Variants in PDE4A observed in about 807,000 individuals in gnomAD.
PDE4A encodes phosphodiesterase 4A.
PDE4A carries 21 observed loss-of-function variants against 73.9 expected under a neutral mutation model. That is an observed-to-expected ratio of 0.28 (90% CI 0.20 to 0.41). PDE4A has a LOEUF of 0.41. Among genes scored for constraint, PDE4A ranks in the 10% least tolerant of loss-of-function variants. The pLI, the probability that PDE4A is intolerant of heterozygous loss-of-function variation, is 1.00. For missense variants in PDE4A, 958 were observed against 1,211.4 expected (o/e 0.79, Z 3.10); for synonymous variants, 463 against 505.4 (o/e 0.92, Z 1.13).
chr19:10,457,653 G>C (rs953168688), intron 7 of PDE4A: 10 of 291,830 alleles, frequency 3.4e-5, no homozygotes, highest in African/African-American at 9.2e-5. Flanking sequence ...TGATCAGACC[G>C]GGGCCATCCC....
At chr19:10,440,525 G>T (rs1270477061) in intron 1 of PDE4A, among the ~76,000 whole-genome samples, 5 of 152,142 alleles carry the variant, frequency 3.3e-5, no homozygotes, top group African/African-American at 1.2e-4. Context: ...CCGGGTTTAA[G>T]TGATTCTCCC....
chr19:10,441,982 C>G (rs899091589), intron 1 of PDE4A, among the ~76,000 whole-genome samples: 1 of 152,004 alleles, frequency 6.6e-6, no homozygotes, highest in Non-Finnish European at 1.5e-5. Flanking sequence ...TGAGCCACCA[C>G]GCCCTGCCTT....
chr19:10,435,987 T>C (rs1006938488), intron 1 of PDE4A, among the ~76,000 whole-genome samples: 3 of 152,210 alleles, frequency 2.0e-5, no homozygotes, highest in African/African-American at 4.8e-5. Flanking sequence ...GAGTGTCCTC[T>C]TCCCATCCAG....
intron 1 of PDE4A, among the ~76,000 whole-genome samples, chr19:10,439,172 G>GT (rs1297742906): frequency 1.3e-5 from 2 of 151,828 alleles, no homozygotes; most frequent in East Asian, 3.9e-4. Context: ...TGTTTTGAGG[G>GT]TTTTTTGTTT....
chr19:10,418,864 G>A (rs182189067), upstream of PDE4A: 93 of 984,296 alleles, frequency 9.4e-5, no homozygotes, highest in East Asian at 9.6e-3. Context: ...CACAGCCCCT[G>A]CAAATTCCCT....
intron 7 of PDE4A, among the ~76,000 whole-genome samples, chr19:10,457,449 G>A (rs117427227): frequency 0.026 from 3,457 of 134,822 alleles, 136 homozygotes; most frequent in Non-Finnish European, 0.037. Context: ...GGGGGGGGCA[G>A]GGACATGGAG....
intron 1 of PDE4A, chr19:10,427,936 A>G (rs1029286295): frequency 3.2e-5 from 24 of 754,910 alleles, no homozygotes; most frequent in Admixed American, 1.3e-4. Context: ...TGGAGGTTGC[A>G]GTGAGCCAAT....
intron 1 of PDE4A, among the ~76,000 whole-genome samples, chr19:10,437,412 G>T (rs557076442): frequency 2.6e-5 from 4 of 151,650 alleles, no homozygotes; most frequent in African/African-American, 7.3e-5. Flanking sequence ...GTAAGCCACC[G>T]TGCCCGGCCT....
intron 1 of PDE4A, chr19:10,431,064 C>T (rs373623675): frequency 2.5e-6 from 4 of 1,570,842 alleles, no homozygotes; most frequent in South Asian, 2.3e-5. Context: ...GGATTTGGGC[C>T]GCCAGGCTTG....
In PDE4A at chr19:10,432,637, G is replaced by A. The variant is rs921352180; in HGVS notation, c.320+11553G>A. Reference sequence around the variant, plus strand: ...GAAGGGCACTGGCTGTGCTGGGGGGGTGGGGGTGCTGAGTCTACCTGGGTG... The same window carrying A: ...GAAGGGCACTGGCTGTGCTGGGGGGATGGGGGTGCTGAGTCTACCTGGGTG... On this transcript the variant is annotated intron_variant, in intron 1 of 14. Transcript: ENST00000380702. 6.1e-4 allele frequency: 881 copies of A among 1,443,532 alleles called. 1 individual carries two copies. The highest frequency in any genetic ancestry group is 5.9e-3 in the Middle Eastern group (28 of 4,764). The allele number at this position is 1,443,532 out of a possible 1,614,324, so 89.4% of individuals were successfully genotyped here. A position where few individuals can be genotyped will look rare whatever the true frequency, so the allele number is the denominator to read the frequency against.
chr19:10,450,327 G>C (rs894836504), intron 4 of PDE4A, among the ~76,000 whole-genome samples: 1 of 152,174 alleles, frequency 6.6e-6, no homozygotes, highest in African/African-American at 2.4e-5. Flanking sequence ...TTAGGCAAGA[G>C]AGCAGAGATC....
rs1209678059 is a variant in PDE4A, at chr19:10,424,904, A to G, written c.320+3820A>G. Reference sequence around the variant, plus strand: ...GACCATGGGACTTGCCCAAGGTCACACAGCGAGGAAGGTGAGAATAGGAGT... The same window carrying G: ...GACCATGGGACTTGCCCAAGGTCACGCAGCGAGGAAGGTGAGAATAGGAGT... On this transcript the variant is annotated intron_variant, in intron 1 of 14. Transcript: ENST00000380702. This position sits in a 1 kb window ranked among gnomAD's most constrained non-coding sequence, Gnocchi z 4.8. Among the ~76,000 whole-genome samples, 1 of 152,228 alleles carries G rather than the reference A, an allele frequency of 6.6e-6. No homozygotes were observed. The highest frequency in any genetic ancestry group is 2.4e-5 in the African/African-American group (1 of 41,476).
chr19:10,457,533 G>C (rs1401775124), intron 7 of PDE4A, among the ~76,000 whole-genome samples: 1 of 151,478 alleles, frequency 6.6e-6, no homozygotes, highest in Non-Finnish European at 1.5e-5. Context: ...CCCATGCTGG[G>C]ATCTTCCCCA....
intron 1 of PDE4A, among the ~76,000 whole-genome samples, chr19:10,436,374 G>A (rs1051930430): frequency 6.6e-6 from 1 of 152,072 alleles, no homozygotes; most frequent in Non-Finnish European, 1.5e-5. Flanking sequence ...TGACCAACAT[G>A]GAGAAACCCC....
intron 1 of PDE4A, chr19:10,430,842 G>A: frequency 8.5e-7 from 1 of 1,183,318 alleles, no homozygotes; most frequent in South Asian, 3.9e-5. Flanking sequence ...CCGCCCCGCG[G>A]CCATGGCGCG....
intron 10 of PDE4A, chr19:10,460,771 C>T (rs908012218): frequency 5.2e-5 from 8 of 154,326 alleles, no homozygotes; most frequent in African/African-American, 2.0e-4. Context: ...GCATTCCAAC[C>T]TGGGCAACAA....
intron 1 of PDE4A, among the ~76,000 whole-genome samples, chr19:10,423,675 TTAACA>T: frequency 6.6e-6 from 1 of 152,334 alleles, no homozygotes; most frequent in Non-Finnish European, 1.5e-5. Context: ...TGTAAAGGAC[TTAACA>T]TAATCAGTAG....
intron 4 of PDE4A, 108 bp downstream of exon 4, chr19:10,449,258 CCTCT>C: frequency 1.6e-6 from 2 of 1,212,364 alleles, no homozygotes; most frequent in South Asian, 1.3e-5. Context: ...CCTCTCTGAA[CCTCT>C]GTTCAGACAA....
At chr19:10,432,845 C>T (rs745953674) in intron 1 of PDE4A, among the ~76,000 whole-genome samples, 12 of 152,182 alleles carry the variant, frequency 7.9e-5, no homozygotes, top group Non-Finnish European at 1.5e-4. Context: ...GAGCTTCTGG[C>T]ATTCACTTTG....
Sources: allele counts gnomAD v4.1 joint callset (sites outside exome capture counted in the v4.1 genomes callset), GRCh38; gene constraint gnomAD v4.1.1; non-coding constraint Gnocchi (gnomAD v3.1); transcripts MANE v1.5; gene names NCBI Gene and HGNC (gene_info 2026-07-23, HGNC 2026-07-21).